Variants in EYS observed in about 807,000 individuals in gnomAD.
The protein encoded by EYS is protein eyes shut homolog.
EYS carries 250 observed loss-of-function variants against 282.1 expected under a neutral mutation model. The ratio of observed to expected loss-of-function variants is 0.89; its 90% confidence interval spans 0.80 to 0.98. The LOEUF is 0.98. Ranked by LOEUF, EYS falls within the 50% of genes least tolerant of loss-of-function variation. EYS has a pLI of 0.00. For synonymous variants in EYS, 1,355 were observed against 1,282.9 expected (o/e 1.06, Z -1.20); for missense variants, 4,016 against 3,709.0 (o/e 1.08, Z -2.15).
chr6:64,453,093 T>G (rs1262024264), intron 26 of EYS, among the ~76,000 whole-genome samples: 2 of 151,720 alleles, frequency 1.3e-5, no homozygotes, highest in Non-Finnish European at 2.9e-5. Context: ...TGGGAGAAAA[T>G]TTTTGCAACC....
chr6:65,525,862 C>A (rs1040712029), intron 2 of EYS, among the ~76,000 whole-genome samples: 9 of 152,148 alleles, frequency 5.9e-5, no homozygotes, highest in African/African-American at 1.7e-4. Flanking sequence ...AAATTATATT[C>A]TCTTAATTAG....
At chr6:64,023,720 C>T (rs1390528153) in intron 33 of EYS, among the ~76,000 whole-genome samples, 1 of 152,254 alleles carries the variant, frequency 6.6e-6, no homozygotes, top group African/African-American at 2.4e-5. Flanking sequence ...GTGGGAGCCC[C>T]TTTCTGGGCA....
chr6:64,338,905 T>C (rs575158779), intron 29 of EYS, among the ~76,000 whole-genome samples: 126 of 152,094 alleles, frequency 8.3e-4, no homozygotes, highest in Admixed American at 2.6e-3. Context: ...TTTTAACAAA[T>C]GGTGCTGAGA....
intron 12 of EYS, among the ~76,000 whole-genome samples, chr6:65,291,868 A>G (rs1256673045): frequency 6.6e-6 from 1 of 151,646 alleles, no homozygotes; most frequent in Non-Finnish European, 1.5e-5. Context: ...TTTAAGAGCC[A>G]GTATGTCAGA....
At chr6:64,477,571 C>T (rs188729540) in intron 26 of EYS, among the ~76,000 whole-genome samples, 1 of 152,156 alleles carries the variant, frequency 6.6e-6, no homozygotes, top group African/African-American at 2.4e-5. Context: ...CACCTCCTGA[C>T]CCACGGCCAC....
chr6:63,837,157 G>A lies in EYS; in HGVS notation c.7228+27029C>T, dbSNP rs181846904. ...AAATATAGAAACATTTTATGAAAAA[G>A]AACACTATATTTTGAGTGATTCCTA... is the stretch of plus-strand genomic sequence containing the variant. On this transcript the variant is annotated intron_variant, in intron 36 of 42. Transcript: ENST00000503581. Among the ~76,000 whole-genome samples the A allele has an allele frequency of 7.3e-3, 1,113 of 152,072 alleles. 6 individuals are homozygous for A. The highest frequency in any genetic ancestry group is 0.01 in the Non-Finnish European group (700 of 67,902).
At chr6:64,870,461 G>T (rs1235597578) in intron 19 of EYS, among the ~76,000 whole-genome samples, 1 of 143,930 alleles carries the variant, frequency 6.9e-6, no homozygotes, top group Non-Finnish European at 1.5e-5. Flanking sequence ...GGAAGTGGGA[G>T]AATCTGATTT....
chr6:63,727,847 G>C (rs1413770179), intron 41 of EYS, among the ~76,000 whole-genome samples: 1 of 139,988 alleles, frequency 7.1e-6, no homozygotes, highest in African/African-American at 2.8e-5. Flanking sequence ...GGTGGGGGTG[G>C]AGGTGGGGGT....
At chr6:63,970,490 C>T (rs559190467) in intron 35 of EYS, among the ~76,000 whole-genome samples, 1 of 152,288 alleles carries the variant, frequency 6.6e-6, no homozygotes. Flanking sequence ...AAAAAATTAG[C>T]TGGGCCTGGT....
intron 29 of EYS, among the ~76,000 whole-genome samples, chr6:64,308,552 C>T (rs1275499850): frequency 2.0e-5 from 3 of 151,944 alleles, no homozygotes; most frequent in African/African-American, 7.2e-5. Context: ...AACCATTAAA[C>T]TTACATACTG....
At chr6:64,665,903 A>G (rs576108934) in intron 22 of EYS, among the ~76,000 whole-genome samples, 1 of 141,624 alleles carries the variant, frequency 7.1e-6, no homozygotes, top group African/African-American at 2.6e-5. Context: ...TCATCAACAT[A>G]ATGTGTACTC....
chr6:65,322,121 C>T (rs1294196272), intron 11 of EYS, among the ~76,000 whole-genome samples: 1 of 152,140 alleles, frequency 6.6e-6, no homozygotes, highest in Non-Finnish European at 1.5e-5. Flanking sequence ...TCTATGCTTA[C>T]CTAGCAGATA....
chr6:64,020,568 T>C (rs916937409), intron 33 of EYS, among the ~76,000 whole-genome samples: 2 of 152,158 alleles, frequency 1.3e-5, no homozygotes, highest in Non-Finnish European at 2.9e-5. Context: ...GGAAAAGAAA[T>C]GGTAAAAATT....
intron 12 of EYS, among the ~76,000 whole-genome samples, chr6:65,215,832 C>G (rs1766298243): frequency 6.6e-6 from 1 of 152,182 alleles, no homozygotes; most frequent in Non-Finnish European, 1.5e-5. Context: ...AGCTAAAAGA[C>G]TATGACTTGC....
chr6:64,122,322 T>C (rs371756567), intron 31 of EYS, among the ~76,000 whole-genome samples: 1 of 152,220 alleles, frequency 6.6e-6, no homozygotes, highest in African/African-American at 2.4e-5. Flanking sequence ...CCTGGAAGAA[T>C]ACTGCCTTTT....
At chr6:63,874,069 C>T (rs1312508037) in intron 35 of EYS, among the ~76,000 whole-genome samples, 1 of 152,248 alleles carries the variant, frequency 6.6e-6, no homozygotes, top group East Asian at 1.9e-4. Context: ...AGTCCTTGCC[C>T]ATGCCTATGT....
intron 13 of EYS, among the ~76,000 whole-genome samples, chr6:65,010,944 T>C (rs1290219146): frequency 6.6e-6 from 1 of 151,574 alleles, no homozygotes; most frequent in Non-Finnish European, 1.5e-5. Flanking sequence ...GAAAGGAAAA[T>C]AGAAGAGAAC....
At chr6:65,001,533 G>A (rs1047852506) in intron 13 of EYS, among the ~76,000 whole-genome samples, 18 of 147,770 alleles carry the variant, frequency 1.2e-4, no homozygotes, top group African/African-American at 3.9e-4. Context: ...ATCTGGGTAC[G>A]GGCTAGGGAG....
At chr6:65,103,919 C>A (rs1051308151) in intron 12 of EYS, among the ~76,000 whole-genome samples, 1 of 151,370 alleles carries the variant, frequency 6.6e-6, no homozygotes, top group African/African-American at 2.4e-5. Context: ...TCAGGCCTAA[C>A]AAACTCCCAG....
Sources: gnomAD v4.1 joint callset for allele counts (sites outside exome capture counted in the v4.1 genomes callset) on GRCh38, gnomAD v4.1.1 for gene constraint, MANE v1.5 for transcripts, NCBI Gene and HGNC (gene_info 2026-07-23, HGNC 2026-07-21) for gene names.